Variants in MRPL1 observed in about 807,000 individuals in gnomAD.
MRPL1 encodes the protein mitochondrial ribosomal protein L1.
Under a neutral mutation model 38.0 loss-of-function variants are expected in MRPL1, and 28 were observed. The observed-to-expected ratio is 0.74, with a 90% CI of 0.55 to 1.01. The LOEUF is 1.01. MRPL1 is among the 50% of genes least tolerant of loss of function. The probability of loss-of-function intolerance (pLI) is 0.00; values close to 1 mark genes in which losing one functional copy is unlikely to be tolerated. For missense variants in MRPL1, 358 were observed against 389.8 expected (o/e 0.92, Z 0.69); for synonymous variants, 123 against 126.7 (o/e 0.97, Z 0.20).
chr4:77,898,856 A>G (rs182869345), intron 6 of MRPL1, among the ~76,000 whole-genome samples: 13 of 152,070 alleles, frequency 8.5e-5, no homozygotes, highest in Admixed American at 7.9e-4. Context: ...GTAGTTGAGT[A>G]TCTACTATGT....
At chr4:77,899,910 A>T (rs1291864757) in intron 6 of MRPL1, among the ~76,000 whole-genome samples, 1 of 152,252 alleles carries the variant, frequency 6.6e-6, no homozygotes, top group African/African-American at 2.4e-5. Context: ...ATTTGCCTGT[A>T]TTGAAAAGCA....
At chr4:77,875,837 T>C (rs1735377632) in intron 2 of MRPL1, among the ~76,000 whole-genome samples, 1 of 152,194 alleles carries the variant, frequency 6.6e-6, no homozygotes, top group South Asian at 2.1e-4. Context: ...GCCTGGATTC[T>C]TTTTATTGTT....
chr4:77,925,662 T>C (rs918417697), intron 7 of MRPL1, among the ~76,000 whole-genome samples: 6 of 152,022 alleles, frequency 3.9e-5, no homozygotes, highest in African/African-American at 1.4e-4. Context: ...GTGAGGTTTT[T>C]TTTTTTTAAA....
intron 6 of MRPL1, among the ~76,000 whole-genome samples, chr4:77,907,565 T>A (rs1313868172): frequency 7.4e-6 from 1 of 135,078 alleles, no homozygotes; most frequent in Non-Finnish European, 1.6e-5. Flanking sequence ...CCTTTCTTTC[T>A]CCCCTCCCCT....
chr4:77,887,517 T>G (rs963693401), intron 5 of MRPL1, among the ~76,000 whole-genome samples: 8 of 151,816 alleles, frequency 5.3e-5, no homozygotes, highest in African/African-American at 1.7e-4. Flanking sequence ...ATTTGGGGTG[T>G]GTGTGTGTGT....
intron 7 of MRPL1, among the ~76,000 whole-genome samples, chr4:77,942,782 G>A (rs1737165635): frequency 6.6e-6 from 1 of 152,124 alleles, no homozygotes; most frequent in Admixed American, 6.5e-5. Flanking sequence ...TGTTAGGTGA[G>A]TCTCTTGAAG....
intron 6 of MRPL1, among the ~76,000 whole-genome samples, chr4:77,898,517 A>C (rs1017591735): frequency 6.0e-5 from 9 of 151,080 alleles, no homozygotes; most frequent in African/African-American, 1.9e-4. Flanking sequence ...TTTGAGACGG[A>C]GTTTTGCTCT....
rs1239627691 is a variant in MRPL1 at position 77,925,703 on chromosome 4, C to T, written c.777+16331C>T. Among the ~76,000 whole-genome samples the T allele has an allele frequency of 2.0e-5, 3 of 150,414 alleles. No individual in the cohort carries two copies. In the East Asian group the frequency reaches 5.8e-4, roughly 29 times the overall value. On this transcript the variant is annotated intron_variant, in intron 7 of 8. Transcript: ENST00000315567. ...AAAGAGTTTCAGTGTGTGAATTTGC[C>T]TCTAATTACAATTTTGGCTGCATCA...
At chr4:77,945,795 A>G (rs942833162) in intron 7 of MRPL1, among the ~76,000 whole-genome samples, 3 of 152,114 alleles carry the variant, frequency 2.0e-5, no homozygotes, top group Non-Finnish European at 4.4e-5. Flanking sequence ...GGAGTAGGTC[A>G]CAAAGATCAC....
At chr4:77,908,738 A>G (rs1338514070) in intron 6 of MRPL1, among the ~76,000 whole-genome samples, 1 of 152,176 alleles carries the variant, frequency 6.6e-6, no homozygotes, top group African/African-American at 2.4e-5. Flanking sequence ...TGTGTAGCAG[A>G]GTTGGGTTCT....
chr4:77,891,783 TAA>T (rs1735812717), intron 5 of MRPL1, among the ~76,000 whole-genome samples: 9 of 152,334 alleles, frequency 5.9e-5, no homozygotes, highest in African/African-American at 2.2e-4. Context: ...TTTTTTAAAG[TAA>T]CCCAAATAAG....
intron 7 of MRPL1, among the ~76,000 whole-genome samples, chr4:77,943,973 T>C (rs1422464906): frequency 6.6e-6 from 1 of 152,206 alleles, no homozygotes; most frequent in Non-Finnish European, 1.5e-5. Context: ...GGTTTTGTTA[T>C]ATTATCACAA....
At chr4:77,882,380 T>C (rs546776084) in intron 2 of MRPL1, among the ~76,000 whole-genome samples, 1 of 152,386 alleles carries the variant, frequency 6.6e-6, no homozygotes, top group African/African-American at 2.4e-5. Flanking sequence ...AGTTCATTGG[T>C]TGTTAGTATA....
chr4:77,886,775 C>CTGG (rs1238428931), intron 4 of MRPL1, among the ~76,000 whole-genome samples: 7 of 147,898 alleles, frequency 4.7e-5, no homozygotes, highest in Non-Finnish European at 1.0e-4. Flanking sequence ...CTCACTGCAC[C>CTGG]TGGTTTGCAT....
chr4:77,882,337 A>G (rs904039868), intron 2 of MRPL1, among the ~76,000 whole-genome samples: 2 of 152,204 alleles, frequency 1.3e-5, no homozygotes, highest in Non-Finnish European at 2.9e-5. Flanking sequence ...TCATATAATT[A>G]CATATCACAC....
rs139041905 is a variant in MRPL1 at position 77,895,824 on chromosome 4, C to G, written c.670+1574C>G. Reference sequence around the variant, plus strand: ...TCTGGCACTTTTTATTAGGGATTTCCCTTACAGCAGTGTTCATTATGGAGT... The same window carrying G: ...TCTGGCACTTTTTATTAGGGATTTCGCTTACAGCAGTGTTCATTATGGAGT... On this transcript the variant is annotated intron_variant, in intron 6 of 8. Coordinates refer to ENST00000315567, the MANE Select transcript of MRPL1 (RefSeq NM_020236.4). Among the ~76,000 whole-genome samples the G allele has an allele frequency of 1.1e-3, 160 of 152,002 alleles. 2 individuals carry two copies. The highest frequency in any genetic ancestry group is 3.6e-3 in the African/African-American group (151 of 41,470).
intron 7 of MRPL1, among the ~76,000 whole-genome samples, chr4:77,923,519 C>T (rs1025418087): frequency 3.9e-5 from 6 of 152,178 alleles, no homozygotes; most frequent in African/African-American, 1.4e-4. Context: ...TCCAACTATT[C>T]TTATATTCCA....
chr4:77,865,151 A>G (rs1735099403), intron 1 of MRPL1, among the ~76,000 whole-genome samples: 1 of 151,938 alleles, frequency 6.6e-6, no homozygotes, highest in African/African-American at 2.4e-5. Flanking sequence ...CTGCCTCCCA[A>G]AGTGCTGGGA....
Position 77,889,562 on chromosome 4 carries a change from A to G in MRPL1, c.558+2271A>G, listed in dbSNP as rs562069160. Among the ~76,000 whole-genome samples the G allele has an allele frequency of 7.9e-5, 12 of 152,360 alleles. No individual in the cohort carries two copies. In the South Asian group the frequency reaches 2.3e-3, roughly 29 times the overall value. ...CTAAAATTGGCACCCTAACATCACA[A>G]TTAAAAGAACTAGAGAAGCAAGAGC... On this transcript the variant is annotated intron_variant, in intron 5 of 8. Coordinates refer to ENST00000315567, the MANE Select transcript of MRPL1 (RefSeq NM_020236.4).
Sources: allele counts gnomAD v4.1 joint callset (sites outside exome capture counted in the v4.1 genomes callset), GRCh38; gene constraint gnomAD v4.1.1; transcripts MANE v1.5; gene names NCBI Gene and HGNC (gene_info 2026-07-23, HGNC 2026-07-21).